The following SLC26A7 variants were observed in gnomAD, a reference collection of about 807,000 sequenced individuals.
SLC26A7 encodes solute carrier family 26 member 7.
SLC26A7 carries 59 observed loss-of-function variants against 82.5 expected under a neutral mutation model. The ratio of observed to expected loss-of-function variants is 0.72; its 90% CI spans 0.58 to 0.89. The LOEUF is 0.89. Ranked by LOEUF, SLC26A7 falls within the 40% of genes least tolerant of loss-of-function variation. The probability of loss-of-function intolerance (pLI) is 0.00; values close to 1 mark genes in which losing one functional copy is unlikely to be tolerated. For missense variants in SLC26A7, 820 were observed against 793.0 expected, an observed-to-expected ratio of 1.03 and a Z score of -0.41; for synonymous variants, 271 against 274.3, an observed-to-expected ratio of 0.99 and a Z score of 0.12.
In SLC26A7 at chr8:91,395,171, C is replaced by G; in HGVS notation, c.*74C>G. The G allele has an allele frequency of 2.5e-6, 4 of 1,604,224 alleles. No homozygotes were observed. The highest frequency in any genetic ancestry group is 2.6e-6 in the Non-Finnish European group (3 of 1,175,666). ...GGCCATATGCTGGCATTTTGCACAA[C>G]TTTTTGGTTGTTTAGATCCTACAGA... is the stretch of plus-strand genomic sequence containing the variant. On this transcript the variant is annotated 3_prime_UTR_variant, in exon 19 of 19. Coordinates refer to ENST00000276609, the MANE Select transcript of SLC26A7 (RefSeq NM_052832.4).
At chr8:91,326,850 C>T (rs896616744) in intron 5 of SLC26A7, among the ~76,000 whole-genome samples, 2 of 152,166 alleles carry the variant, frequency 1.3e-5, no homozygotes, top group African/African-American at 4.8e-5. Flanking sequence ...CTTGCCTTTT[C>T]AGCTTCTTCT....
chr8:91,320,308 G>A (rs1453341766), intron 5 of SLC26A7, among the ~76,000 whole-genome samples: 10 of 152,030 alleles, frequency 6.6e-5, no homozygotes, highest in Admixed American at 4.6e-4. Flanking sequence ...ACGGTGAAAC[G>A]GAATCAGATT....
chr8:91,287,439 T>A (rs534216499), intron 2 of SLC26A7, among the ~76,000 whole-genome samples: 1 of 152,332 alleles, frequency 6.6e-6, no homozygotes, highest in Non-Finnish European at 1.5e-5. Flanking sequence ...ATGTTACGTT[T>A]GCCTGTTGCA....
intron 5 of SLC26A7, among the ~76,000 whole-genome samples, chr8:91,326,967 A>G (rs1483296288): frequency 1.3e-5 from 2 of 152,080 alleles, no homozygotes; most frequent in Non-Finnish European, 2.9e-5. Context: ...TTACAAGGAT[A>G]CTGATCATGG....
chr8:91,280,904 T>G (rs1296889261), intron 2 of SLC26A7, among the ~76,000 whole-genome samples: 1 of 152,242 alleles, frequency 6.6e-6, no homozygotes, highest in Non-Finnish European at 1.5e-5. Context: ...ATGAGCTATA[T>G]TTCTTTGGGA....
chr8:91,300,552 T>C (rs1199602888), intron 4 of SLC26A7, among the ~76,000 whole-genome samples: 3 of 151,848 alleles, frequency 2.0e-5, no homozygotes, highest in Non-Finnish European at 2.9e-5. Flanking sequence ...CGCCCGCCAC[T>C]ACGCCCGGCT....
chr8:91,239,406 ATATATG>A (rs1250974493), intron 2 of SLC26A7, among the ~76,000 whole-genome samples: 182 of 101,886 alleles, frequency 1.8e-3, no homozygotes, highest in African/African-American at 6.2e-3. Flanking sequence ...ATATATATAT[ATATATG>A]TATATGTATA....
intron 5 of SLC26A7, 126 bp from the exon 6 acceptor site, chr8:91,334,169 T>A (rs1813174177): frequency 1.1e-6 from 1 of 872,506 alleles, no homozygotes; most frequent in Non-Finnish European, 1.7e-6. Flanking sequence ...CCTACCTATA[T>A]CTTTCCTCTC....
intron 15 of SLC26A7, 80 bp downstream of exon 15, chr8:91,369,913 T>C: frequency 2.8e-6 from 3 of 1,065,310 alleles, no homozygotes; most frequent in Non-Finnish European, 4.2e-6. Context: ...CTTCCCCTTC[T>C]CCTCCTCATC....
At chr8:91,284,440 G>T (rs1811657012) in intron 2 of SLC26A7, among the ~76,000 whole-genome samples, 1 of 152,178 alleles carries the variant, frequency 6.6e-6, no homozygotes, top group South Asian at 2.1e-4. Flanking sequence ...CAATTAAATT[G>T]TGTTTCTTTT....
rs531290799 is a variant in SLC26A7, at chr8:91,275,189, T to C, written c.194-13947T>C. ...ATTAACATTTTAGACTCACTCTCTATATGTAGAATGTATATAGAATATATA... is the reference window on the plus strand; with the variant it reads ...ATTAACATTTTAGACTCACTCTCTACATGTAGAATGTATATAGAATATATA... On this transcript the variant is annotated intron_variant, in intron 2 of 18. Coordinates refer to ENST00000276609, the MANE Select transcript of SLC26A7 (RefSeq NM_052832.4). Among the ~76,000 whole-genome samples, 13 of 152,368 alleles carry C rather than the reference T, an allele frequency of 8.5e-5. No individual in the cohort carries two copies. The South Asian group carries it at 2.7e-3, about 32-fold the overall frequency.
At position 91,396,859 on chromosome 8, in the gene SLC26A7, G is replaced by A. The variant is rs1808586390; in HGVS notation, c.*1762G>A. 1 of 152,198 alleles carries A rather than the reference G, an allele frequency of 6.6e-6. No individual in the cohort carries two copies. Among genetic ancestry groups the A allele is most frequent in the Non-Finnish European group, 1.5e-5 (1 of 67,936 alleles). The allele number at this position is 152,198 out of a possible 1,614,324, so 9.4% of individuals were successfully genotyped here. On this transcript the variant is annotated 3_prime_UTR_variant, in exon 19 of 19. Coordinates refer to ENST00000276609, the MANE Select transcript of SLC26A7 (RefSeq NM_052832.4). Reference sequence around the variant, plus strand: ...ACCATCTCTAATTCATTGGTCACTGGTAGGTAAGCATGAGTTAAGGAAAGT... The same window carrying A: ...ACCATCTCTAATTCATTGGTCACTGATAGGTAAGCATGAGTTAAGGAAAGT...
chr8:91,384,999 A>G (rs1172175172), intron 15 of SLC26A7, among the ~76,000 whole-genome samples: 1 of 152,216 alleles, frequency 6.6e-6, no homozygotes, highest in Admixed American at 6.5e-5. Flanking sequence ...TTTGAAGTAT[A>G]TAAAAAGCAC....
intron 13 of SLC26A7, among the ~76,000 whole-genome samples, chr8:91,365,590 T>C (rs1814170380): frequency 6.6e-6 from 1 of 152,246 alleles, no homozygotes; most frequent in Non-Finnish European, 1.5e-5. Flanking sequence ...TTGAGTTATT[T>C]GTTGCAAATC....
chr8:91,259,634 C>T (rs930146971), intron 2 of SLC26A7, among the ~76,000 whole-genome samples: 7 of 152,020 alleles, frequency 4.6e-5, no homozygotes, highest in African/African-American at 1.7e-4. Flanking sequence ...CTATATTGGA[C>T]CGCACTTAGT....
chr8:91,352,851 A>C, intron 10 of SLC26A7, 50 bp from the exon 11 acceptor site: 9 of 1,436,284 alleles, frequency 6.3e-6, no homozygotes, highest in Non-Finnish European at 8.7e-6. Flanking sequence ...TTTTAAATTT[A>C]AGTTAAAATT....
At chr8:91,347,603 G>A (rs902185860) in intron 9 of SLC26A7, among the ~76,000 whole-genome samples, 16 of 152,162 alleles carry the variant, frequency 1.1e-4, no homozygotes, top group African/African-American at 3.6e-4. Context: ...ATATGAGGCT[G>A]TTTTGACAGT....
chr8:91,235,952 G>A (rs1440042198), intron 2 of SLC26A7, among the ~76,000 whole-genome samples: 2 of 152,156 alleles, frequency 1.3e-5, no homozygotes, highest in African/African-American at 2.4e-5. Context: ...ATTTCTGGAA[G>A]TGAACAAAAG....
intron 2 of SLC26A7, among the ~76,000 whole-genome samples, chr8:91,281,092 A>T (rs1439043692): frequency 6.6e-6 from 1 of 152,226 alleles, no homozygotes; most frequent in Non-Finnish European, 1.5e-5. Flanking sequence ...AAAATTCAGG[A>T]TAATGTTCAG....
Sources: gnomAD v4.1 joint callset for allele counts (sites outside exome capture counted in the v4.1 genomes callset) on GRCh38, gnomAD v4.1.1 for gene constraint, MANE v1.5 for transcripts, NCBI Gene and HGNC (gene_info 2026-07-23, HGNC 2026-07-21) for gene names.